UBE2D2: variants seen among roughly 807,000 people sequenced by gnomAD.
UBE2D2 encodes ubiquitin conjugating enzyme E2 D2, also known as ubiquitin-conjugating enzyme E2 D2.
Under a neutral mutation model 24.2 loss-of-function variants are expected in UBE2D2, and 2 were observed. The observed-to-expected ratio is 0.08, with a 90% CI of 0.03 to 0.26. UBE2D2 has a LOEUF of 0.26. Ranked by LOEUF, UBE2D2 falls within the 10% of genes least tolerant of loss-of-function variation. The probability of loss-of-function intolerance (pLI) is 1.00; values close to 1 mark genes in which losing one functional copy is unlikely to be tolerated. For synonymous variants in UBE2D2, 58 were observed against 56.5 expected, an observed-to-expected ratio of 1.03 and a Z score of -0.12; for missense variants, 44 against 177.6, an observed-to-expected ratio of 0.25 and a Z score of 4.28.
intron 1 of UBE2D2, among the ~76,000 whole-genome samples, chr5:139,553,875 G>C (rs1284469234): frequency 6.6e-6 from 1 of 152,088 alleles, no homozygotes; most frequent in Non-Finnish European, 1.5e-5. Context: ...TGCCTCCCAG[G>C]TTTAAGCGAT....
At chr5:139,573,175 A>G (rs530223492) in intron 1 of UBE2D2, among the ~76,000 whole-genome samples, 2 of 151,570 alleles carry the variant, frequency 1.3e-5, no homozygotes, top group Non-Finnish European at 2.9e-5. Context: ...GGTGGTGGGC[A>G]CCTGTAGTCC....
intron 1 of UBE2D2, among the ~76,000 whole-genome samples, chr5:139,563,865 G>A (rs1242733495): frequency 1.3e-5 from 2 of 152,044 alleles, no homozygotes; most frequent in African/African-American, 4.8e-5. Context: ...AACCGGGGAG[G>A]CGGAGCTTGC....
At position 139,569,881 on chromosome 5, in the gene UBE2D2, G is replaced by T. The variant is rs186293092; in HGVS notation, c.24+8066G>T. ...CTTTTTTCTTTTGTTCAAACAATTGGATATTTAAACTGTGTCCTGGAACCT... is the reference window on the plus strand; with the variant it reads ...CTTTTTTCTTTTGTTCAAACAATTGTATATTTAAACTGTGTCCTGGAACCT... On this transcript the variant is annotated intron_variant, in intron 1 of 6. Transcript: ENST00000398733. Among the ~76,000 whole-genome samples, 17 of 152,218 alleles carry T rather than the reference G, an allele frequency of 1.1e-4. No individual in the cohort carries two copies. The East Asian group carries it at 2.5e-3, about 22-fold the overall frequency.
chr5:139,567,529 G>GTTTTTTT (rs33998713), intron 1 of UBE2D2, among the ~76,000 whole-genome samples: 1 of 100,136 alleles, frequency 1.0e-5, no homozygotes, highest in African/African-American at 4.3e-5. Flanking sequence ...AATTTGCTAA[G>GTTTTTTT]TTTTTTTTTT....
intron 2 of UBE2D2, among the ~76,000 whole-genome samples, chr5:139,603,483 C>T (rs956844732): frequency 4.0e-5 from 6 of 151,788 alleles, no homozygotes; most frequent in Admixed American, 6.6e-5. Flanking sequence ...ATTAGCTGGG[C>T]GCGGTGGCGC....
intron 5 of UBE2D2, among the ~76,000 whole-genome samples, chr5:139,615,804 TCA>T (rs1335987184): frequency 6.6e-6 from 1 of 150,862 alleles, no homozygotes; most frequent in African/African-American, 2.4e-5. Context: ...CCAGATGAAA[TCA>T]CAGTTGCGTT....
intron 1 of UBE2D2, among the ~76,000 whole-genome samples, chr5:139,548,304 T>C (rs1752865750): frequency 6.6e-6 from 1 of 151,728 alleles, no homozygotes; most frequent in African/African-American, 2.4e-5. Flanking sequence ...TTCCTCGTTT[T>C]CCCACCTCCT....
chr5:139,550,944 C>A (rs1752912539), intron 1 of UBE2D2, among the ~76,000 whole-genome samples: 1 of 152,130 alleles, frequency 6.6e-6, no homozygotes, highest in Admixed American at 6.6e-5. Flanking sequence ...AAGAACCCAC[C>A]AATTCCAGAT....
chr5:139,552,831 C>T (rs1446470902), intron 1 of UBE2D2, among the ~76,000 whole-genome samples: 1 of 151,844 alleles, frequency 6.6e-6, no homozygotes, highest in Admixed American at 6.6e-5. Flanking sequence ...TACAGGCATG[C>T]GCTACCATGC....
chr5:139,575,095 C>T (rs1056838207), intron 1 of UBE2D2, among the ~76,000 whole-genome samples: 4 of 152,164 alleles, frequency 2.6e-5, no homozygotes, highest in African/African-American at 9.7e-5. Context: ...ACAACCCTGC[C>T]ACTTAGCAGT....
At chr5:139,572,356 T>C (rs1381020585) in intron 1 of UBE2D2, among the ~76,000 whole-genome samples, 1 of 152,176 alleles carries the variant, frequency 6.6e-6, no homozygotes, top group Non-Finnish European at 1.5e-5. Context: ...CCCAGCACTT[T>C]GGGAAGCCAA....
chr5:139,537,303 T>C lies in UBE2D2; in HGVS notation c.-64+10691T>C, dbSNP rs141997628. ...TTTAATAGTTTTTTGAAGCGGAATG[T>C]AAACAGGGTTCATACATTGTGATTG... On this transcript the variant is annotated intron_variant, in intron 1 of 6. Coordinates refer to the UBE2D2 transcript ENST00000511725. Among the ~76,000 whole-genome samples the C allele has an allele frequency of 2.4e-4, 36 of 152,290 alleles. 1 individual carries two copies. The highest frequency in any genetic ancestry group is 6.8e-3 in the Middle Eastern group (2 of 294).
At chr5:139,537,047 G>A (rs1752692427) in intron 1 of UBE2D2, among the ~76,000 whole-genome samples, 1 of 152,118 alleles carries the variant, frequency 6.6e-6, no homozygotes, top group East Asian at 1.9e-4. Context: ...GCCGGGCATG[G>A]TGGCGGATGC....
intron 1 of UBE2D2, among the ~76,000 whole-genome samples, chr5:139,533,389 G>A (rs546873792): frequency 7.2e-5 from 11 of 152,158 alleles, no homozygotes; most frequent in Non-Finnish European, 7.4e-5. Context: ...GGTGGCTCAC[G>A]CCTGTAATCC....
At chr5:139,607,496 T>C (rs1754224684) in intron 2 of UBE2D2, among the ~76,000 whole-genome samples, 1 of 152,210 alleles carries the variant, frequency 6.6e-6, no homozygotes, top group Non-Finnish European at 1.5e-5. Context: ...GTGTTTTTGC[T>C]CATTTTTTTG....
chr5:139,561,735 C>T lies in UBE2D2; in HGVS notation c.-57C>T. The T allele has an allele frequency of 7.3e-7, 1 of 1,369,570 alleles. No individual in the cohort carries two copies. Among genetic ancestry groups the T allele is most frequent in the Non-Finnish European group, 9.7e-7 (1 of 1,027,188 alleles). The allele number at this position is 1,369,570 out of a possible 1,614,324, so 84.8% of individuals were successfully genotyped here. A position where few individuals can be genotyped will look rare whatever the true frequency, so the allele number is the denominator to read the frequency against. ...GGCCTCAGGCTCCCTAGCCCCTTCC[C>T]CGTCCCTTCCCCGCCCCCGTCCCCG... On this transcript the variant is annotated 5_prime_UTR_variant, in exon 1 of 7. Transcript: ENST00000398733.
intron 6 of UBE2D2, among the ~76,000 whole-genome samples, 183 bp from the exon 7 acceptor site, chr5:139,626,573 A>G (rs1361211758): frequency 6.6e-6 from 1 of 152,196 alleles, no homozygotes; most frequent in African/African-American, 2.4e-5. Flanking sequence ...AGACTTTCAC[A>G]TTTTACAGCT....
chr5:139,587,059 G>A (rs1753744330), intron 1 of UBE2D2, among the ~76,000 whole-genome samples: 1 of 152,146 alleles, frequency 6.6e-6, no homozygotes, highest in Admixed American at 6.6e-5. Context: ...CGTGTTCTCT[G>A]ACCTGGGGTT....
At chr5:139,621,698 A>G (rs1393450171) in intron 5 of UBE2D2, among the ~76,000 whole-genome samples, 1 of 152,044 alleles carries the variant, frequency 6.6e-6, no homozygotes, top group East Asian at 1.9e-4. Flanking sequence ...ACACAGCTCA[A>G]TACAGCCTTA....
Sources: gnomAD v4.1 joint callset for allele counts (sites outside exome capture counted in the v4.1 genomes callset) on GRCh38, gnomAD v4.1.1 for gene constraint, MANE v1.5 for transcripts, NCBI Gene and HGNC (gene_info 2026-07-23, HGNC 2026-07-21) for gene names.